CADM2: variants seen among roughly 807,000 people sequenced by gnomAD.
CADM2 encodes cell adhesion molecule 2, also known as immunoglobulin superfamily member 4D.
CADM2 carries 12 observed loss-of-function variants against 49.8 expected under a neutral mutation model. The observed-to-expected ratio is 0.24, with a 90% CI of 0.15 to 0.39. The LOEUF (loss-of-function observed/expected upper bound fraction) is 0.39, where lower values mean the gene tolerates loss of function less well. Ranked by LOEUF, CADM2 falls within the 10% of genes least tolerant of loss-of-function variation. The pLI, the probability that CADM2 is intolerant of heterozygous loss-of-function variation, is 1.00. For missense variants in CADM2, 378 were observed against 492.3 expected (o/e 0.77, Z 2.20); for synonymous variants, 214 against 175.4 (o/e 1.22, Z -1.74).
chr3:85,634,845 A>G (rs979490164), intron 1 of CADM2, among the ~76,000 whole-genome samples: 8 of 151,874 alleles, frequency 5.3e-5, no homozygotes, highest in African/African-American at 1.7e-4. Flanking sequence ...AAAATTCCAT[A>G]GCTACTTTGT....
chr3:85,512,032 G>A, intron 1 of CADM2: 1 of 207,970 alleles, frequency 4.8e-6, no homozygotes, highest in Non-Finnish European at 8.4e-6. Context: ...ACATTCACAG[G>A]GTACATGTAC....
chr3:85,479,307 C>G (rs1163826643), intron 1 of CADM2, among the ~76,000 whole-genome samples: 1 of 151,714 alleles, frequency 6.6e-6, no homozygotes, highest in Non-Finnish European at 1.5e-5. Context: ...TTTAGTGGAC[C>G]AACATCAGAA....
chr3:85,850,319 T>G (rs1416703426), intron 3 of CADM2, among the ~76,000 whole-genome samples: 1 of 109,656 alleles, frequency 9.1e-6, no homozygotes, highest in Non-Finnish European at 1.8e-5. Flanking sequence ...CAATTCTTTT[T>G]TTTTTTTTTT....
intron 8 of CADM2, among the ~76,000 whole-genome samples, chr3:86,051,100 C>A (rs1260352287): frequency 6.6e-6 from 1 of 152,168 alleles, no homozygotes; most frequent in Non-Finnish European, 1.5e-5. Context: ...TTCATCATTT[C>A]TTGGCTTACA....
chr3:85,356,733 T>C (rs1300149267), intron 1 of CADM2, among the ~76,000 whole-genome samples: 1 of 152,174 alleles, frequency 6.6e-6, no homozygotes, highest in Non-Finnish European at 1.5e-5. Context: ...ATTTTCCATT[T>C]ACATTTGAAT....
intron 1 of CADM2, among the ~76,000 whole-genome samples, chr3:85,456,203 A>C (rs1298622857): frequency 1.3e-5 from 2 of 152,194 alleles, no homozygotes; most frequent in Non-Finnish European, 2.9e-5. Flanking sequence ...AGCAGACACC[A>C]TTTTGAACAG....
At chr3:85,607,657 T>A (rs965319528) in intron 1 of CADM2, among the ~76,000 whole-genome samples, 8 of 151,722 alleles carry the variant, frequency 5.3e-5, no homozygotes, top group Non-Finnish European at 1.0e-4. Context: ...TCAAAATAAT[T>A]ATTTTTTTTT....
chr3:85,944,153 C>G (rs1722329623), intron 7 of CADM2, among the ~76,000 whole-genome samples: 1 of 151,866 alleles, frequency 6.6e-6, no homozygotes, highest in South Asian at 2.1e-4. Flanking sequence ...TTTAAACCAA[C>G]AAAGATCAAA....
At chr3:85,811,784 A>C (rs2072893081) in intron 3 of CADM2, among the ~76,000 whole-genome samples, 1 of 151,810 alleles carries the variant, frequency 6.6e-6, no homozygotes, top group Non-Finnish European at 1.5e-5. Flanking sequence ...ACCATTGTGT[A>C]TATATTTTCC....
At chr3:85,437,004 C>G (rs964489754) in intron 1 of CADM2, among the ~76,000 whole-genome samples, 6 of 152,130 alleles carry the variant, frequency 3.9e-5, no homozygotes, top group African/African-American at 1.4e-4. Context: ...CCTATTCATT[C>G]CTTCCTCTCC....
chr3:85,533,462 G>A (rs962854789), intron 1 of CADM2, among the ~76,000 whole-genome samples: 3 of 152,110 alleles, frequency 2.0e-5, no homozygotes, highest in African/African-American at 7.2e-5. Flanking sequence ...AAGTCTGTGT[G>A]TAGCAAAACA....
intron 2 of CADM2, among the ~76,000 whole-genome samples, chr3:85,760,889 CA>C (rs1428963192): frequency 1.3e-5 from 2 of 151,986 alleles, no homozygotes; most frequent in African/African-American, 4.8e-5. Context: ...ATTCAAAGAA[CA>C]AAATGGTAGA....
chr3:85,272,043 A>C (rs1210171750), intron 1 of CADM2, among the ~76,000 whole-genome samples: 3 of 151,130 alleles, frequency 2.0e-5, no homozygotes, highest in African/African-American at 7.3e-5. Flanking sequence ...TATGGTCTTA[A>C]AACTACTCAG....
intron 1 of CADM2, among the ~76,000 whole-genome samples, chr3:85,235,711 A>G (rs1036805592): frequency 1.3e-5 from 2 of 152,116 alleles, no homozygotes; most frequent in Non-Finnish European, 2.9e-5. Context: ...CCCATTTATG[A>G]TAAGATCTAT....
intron 1 of CADM2, among the ~76,000 whole-genome samples, chr3:85,025,960 T>C (rs1049951259): frequency 1.3e-5 from 2 of 152,150 alleles, no homozygotes; most frequent in Admixed American, 1.3e-4. Context: ...ATTTTCTGGC[T>C]CTGAATCTCT....
At chr3:85,109,640 A>AT (rs2038377995) in intron 1 of CADM2, among the ~76,000 whole-genome samples, 1 of 152,010 alleles carries the variant, frequency 6.6e-6, no homozygotes, top group African/African-American at 2.4e-5. Context: ...AGAGAAAAGG[A>AT]TGGTATCACA....
chr3:85,124,304 T>C (rs915550623), intron 1 of CADM2, among the ~76,000 whole-genome samples: 1 of 152,192 alleles, frequency 6.6e-6, no homozygotes, highest in Non-Finnish European at 1.5e-5. Flanking sequence ...CCAAAATAAA[T>C]TGAAAATATT....
chr3:85,366,115 C>T (rs1372732302), intron 1 of CADM2, among the ~76,000 whole-genome samples: 1 of 152,184 alleles, frequency 6.6e-6, no homozygotes, highest in Non-Finnish European at 1.5e-5. Context: ...GTCTGTTCAT[C>T]TGGAATGTGC....
At chr3:85,908,928 G>A (rs1433466423) in intron 5 of CADM2, among the ~76,000 whole-genome samples, 2 of 151,970 alleles carry the variant, frequency 1.3e-5, no homozygotes, top group African/African-American at 4.8e-5. Flanking sequence ...GTTTCAGCAT[G>A]TTAGCCAGGA....
Sources: gnomAD v4.1 joint callset for allele counts (sites outside exome capture counted in the v4.1 genomes callset) on GRCh38, gnomAD v4.1.1 for gene constraint, MANE v1.5 for transcripts, NCBI Gene and HGNC (gene_info 2026-07-23, HGNC 2026-07-21) for gene names.